Variants in TUSC3 observed in about 807,000 individuals in gnomAD.
The protein encoded by TUSC3 is dolichyl-diphosphooligosaccharide--protein glycosyltransferase subunit TUSC3.
A neutral mutation model predicts 44.8 loss-of-function variants in TUSC3; 45 were observed. The ratio of observed to expected loss-of-function variants is 1.00; its 90% CI spans 0.79 to 1.29. The LOEUF (loss-of-function observed/expected upper bound fraction) is 1.29, where lower values mean the gene tolerates loss of function less well. Ranked by LOEUF, TUSC3 falls within the 50% of genes most tolerant of loss-of-function variation. The pLI, the probability that TUSC3 is intolerant of heterozygous loss-of-function variation, is 0.00. For missense variants in TUSC3, 519 were observed against 437.9 expected, an observed-to-expected ratio of 1.19 and a Z score of -1.65; for synonymous variants, 212 against 152.9, an observed-to-expected ratio of 1.39 and a Z score of -2.85.
intron 10 of TUSC3, among the ~76,000 whole-genome samples, chr8:15,760,899 C>G (rs896945719): frequency 6.6e-6 from 1 of 152,156 alleles, no homozygotes; most frequent in African/African-American, 2.4e-5. Flanking sequence ...CTGCATCTTA[C>G]TTGTTCTCAG....
chr8:15,576,304 TTTTA>T (rs1484945933), intron 1 of TUSC3, among the ~76,000 whole-genome samples: 16 of 146,014 alleles, frequency 1.1e-4, no homozygotes, highest in South Asian at 2.1e-4. Flanking sequence ...TTTTTTATTT[TTTTA>T]TTTATTTATT....
chr8:15,450,872 A>G (rs1241209563), intron 1 of TUSC3, among the ~76,000 whole-genome samples: 2 of 152,166 alleles, frequency 1.3e-5, no homozygotes, highest in East Asian at 3.9e-4. Flanking sequence ...AGTAGGCTTA[A>G]AACCTCCACA....
At chr8:15,512,239 T>C (rs746244214) in intron 2 of TUSC3, among the ~76,000 whole-genome samples, 2 of 152,190 alleles carry the variant, frequency 1.3e-5, no homozygotes, top group Non-Finnish European at 2.9e-5. Context: ...GATTAACAAT[T>C]AAATTGGTGG....
intron 6 of TUSC3, among the ~76,000 whole-genome samples, chr8:15,706,280 G>C (rs1303925260): frequency 6.7e-6 from 1 of 149,936 alleles, no homozygotes; most frequent in Non-Finnish European, 1.5e-5. Context: ...TTAATTCTTT[G>C]TATTTATGTT....
chr8:15,556,703 G>C (rs1459210210), intron 1 of TUSC3, among the ~76,000 whole-genome samples: 1 of 145,798 alleles, frequency 6.9e-6, no homozygotes, highest in South Asian at 2.3e-4. Flanking sequence ...ACTCTAACTG[G>C]TGTGAGATGG....
the TUSC3 span, among the ~76,000 whole-genome samples, chr8:15,791,073 G>C: frequency 6.6e-6 from 1 of 152,126 alleles, no homozygotes; most frequent in East Asian, 1.9e-4. Flanking sequence ...TAATGGAAAT[G>C]GGGATGGAGA....
intron 2 of TUSC3, among the ~76,000 whole-genome samples, chr8:15,650,427 T>C (rs1806838224): frequency 6.6e-6 from 1 of 152,302 alleles, no homozygotes; most frequent in East Asian, 1.9e-4. Context: ...TTGTTACAAC[T>C]TTGCCCTTAT....
chr8:15,616,828 C>A (rs1004930436), intron 1 of TUSC3, among the ~76,000 whole-genome samples: 1 of 152,022 alleles, frequency 6.6e-6, no homozygotes, highest in Non-Finnish European at 1.5e-5. Flanking sequence ...ATCCAGATGT[C>A]GATTTCCAAG....
intron 10 of TUSC3, among the ~76,000 whole-genome samples, chr8:15,761,299 G>C (rs1812159384): frequency 6.6e-6 from 1 of 152,184 alleles, no homozygotes; most frequent in African/African-American, 2.4e-5. Flanking sequence ...GCCTTAAGGA[G>C]AGAAACGGTT....
At chr8:15,494,041 G>A (rs1261893139) in intron 2 of TUSC3, among the ~76,000 whole-genome samples, 1 of 152,136 alleles carries the variant, frequency 6.6e-6, no homozygotes, top group Non-Finnish European at 1.5e-5. Context: ...CTCGTGGCAT[G>A]CTTGAGATCT....
intron 1 of TUSC3, among the ~76,000 whole-genome samples, chr8:15,457,241 C>T (rs1055027902): frequency 4.0e-5 from 6 of 151,780 alleles, no homozygotes; most frequent in East Asian, 1.9e-4. Flanking sequence ...GGGTGCAGCA[C>T]ACCAACATGG....
At chr8:15,639,399 A>G (rs564854217) in intron 2 of TUSC3, among the ~76,000 whole-genome samples, 1 of 152,350 alleles carries the variant, frequency 6.6e-6, no homozygotes, top group African/African-American at 2.4e-5. Context: ...ATTTTTTCAT[A>G]TTGATGAAAA....
the TUSC3 span, among the ~76,000 whole-genome samples, chr8:15,790,814 G>T: frequency 2.0e-5 from 3 of 152,130 alleles, no homozygotes; most frequent in African/African-American, 7.2e-5. Flanking sequence ...TGGCTGAGAT[G>T]TCACAAGTGA....
chr8:15,485,982 C>T (rs777147241), intron 2 of TUSC3, among the ~76,000 whole-genome samples: 2 of 151,956 alleles, frequency 1.3e-5, no homozygotes, highest in African/African-American at 2.4e-5. Context: ...TTAGTAGAGT[C>T]GGGGTTTCGC....
In TUSC3 at chr8:15,705,172, A is replaced by G. The variant is rs548053721; in HGVS notation, c.799-25494A>G. ...GGCAGGAATTAGAGCCATAGTTACC[A>G]AAACAATTATTCTAAAGAAAGAGTA... is the stretch of plus-strand genomic sequence containing the variant. On this transcript the variant is annotated intron_variant, in intron 6 of 10. Transcript: ENST00000503731. Among the ~76,000 whole-genome samples the G allele has an allele frequency of 4.6e-5, 7 of 151,998 alleles. No homozygotes were observed. The East Asian group carries it at 1.4e-3, about 29-fold the overall frequency.
At chr8:15,742,285 T>TTTCC (rs1230409412) in intron 7 of TUSC3, among the ~76,000 whole-genome samples, 1 of 130,014 alleles carries the variant, frequency 7.7e-6, no homozygotes, top group Non-Finnish European at 1.7e-5. Context: ...TTTTCTTTAT[T>TTTCC]TTCCTTTTTT....
intron 2 of TUSC3, among the ~76,000 whole-genome samples, chr8:15,629,162 T>C (rs966072278): frequency 2.0e-5 from 3 of 152,184 alleles, no homozygotes; most frequent in Non-Finnish European, 2.9e-5. Flanking sequence ...ATCTAGATTA[T>C]AAAATTAGAT....
the TUSC3 span, among the ~76,000 whole-genome samples, chr8:15,787,787 G>A: frequency 6.6e-6 from 1 of 152,106 alleles, no homozygotes; most frequent in Non-Finnish European, 1.5e-5. Context: ...CTGCTTCCCA[G>A]AGGTGATATT....
At chr8:15,503,978 C>T (rs186589566) in intron 2 of TUSC3, among the ~76,000 whole-genome samples, 4 of 148,358 alleles carry the variant, frequency 2.7e-5, no homozygotes, top group Non-Finnish European at 5.9e-5. Flanking sequence ...CGCACCACTG[C>T]TCTCCAGCCT....
Sources: gnomAD v4.1 joint callset for allele counts (sites outside exome capture counted in the v4.1 genomes callset) on GRCh38, gnomAD v4.1.1 for gene constraint, MANE v1.5 for transcripts, NCBI Gene and HGNC (gene_info 2026-07-23, HGNC 2026-07-21) for gene names.